Variants in MYO3A observed in about 807,000 individuals in gnomAD.
The protein encoded by MYO3A is myosin IIIA, also known as myosin-IIIa.
A neutral mutation model predicts 192.7 loss-of-function variants in MYO3A; 180 were observed. The ratio of observed to expected loss-of-function variants is 0.93; its 90% CI spans 0.83 to 1.06. The LOEUF is 1.06. Ranked by LOEUF, MYO3A falls within the 50% of genes least tolerant of loss-of-function variation. The pLI is 0.00. For missense variants in MYO3A, 1,896 were observed against 1,905.0 expected (o/e 1.00, Z 0.09); for synonymous variants, 628 against 645.3 (o/e 0.97, Z 0.41).
chr10:26,093,751 A>C (rs994593087), intron 15 of MYO3A, among the ~76,000 whole-genome samples: 1 of 152,184 alleles, frequency 6.6e-6, no homozygotes, highest in Non-Finnish European at 1.5e-5. Context: ...TTGACACCCA[A>C]AGACATACCT....
chr10:26,122,173 A>G (rs999106900), intron 18 of MYO3A, among the ~76,000 whole-genome samples: 3 of 152,224 alleles, frequency 2.0e-5, no homozygotes, highest in Admixed American at 6.5e-5. Flanking sequence ...GTTGCAATAG[A>G]GATAGGTTGT....
chr10:26,085,049 A>T (rs1449271437), intron 14 of MYO3A, among the ~76,000 whole-genome samples: 1 of 152,148 alleles, frequency 6.6e-6, no homozygotes, highest in Non-Finnish European at 1.5e-5. Flanking sequence ...TTGCTTGTAG[A>T]TAATTGTTCA....
At position 26,147,433 on chromosome 10, in the gene MYO3A, C is replaced by T. The variant is rs761168459; in HGVS notation, c.2509C>T (p.Leu837Phe). Residue 837 changes from leucine to phenylalanine, a missense_variant, in exon 23 of 35, where the codon CTC becomes TTC. Transcript: ENST00000642920. ...FGIHHYAGKV[L>F]YNASGFLAKN... ...TTATAGCATACTGTATCAACAGGTCCTCTATAATGCAAGTGGATTCTTAGC... is the reference window on the plus strand; with the variant it reads ...TTATAGCATACTGTATCAACAGGTCTTCTATAATGCAAGTGGATTCTTAGC... The T allele has an allele frequency of 6.2e-7, 1 of 1,612,302 alleles. No individual in the cohort carries two copies. The highest frequency in any genetic ancestry group is 1.3e-5 in the African/African-American group (1 of 74,854).
chr10:26,034,550 A>G (rs928986348), intron 10 of MYO3A, among the ~76,000 whole-genome samples: 1 of 152,248 alleles, frequency 6.6e-6, no homozygotes, highest in East Asian at 1.9e-4. Context: ...AAGATAACCT[A>G]GAGTTTGCTT....
At chr10:26,183,278 A>T (rs1180998092) in intron 31 of MYO3A, among the ~76,000 whole-genome samples, 1 of 152,188 alleles carries the variant, frequency 6.6e-6, no homozygotes, top group Non-Finnish European at 1.5e-5. Context: ...TAATCCCAGC[A>T]CTTTGGGAGG....
chr10:26,080,258 A>G (rs1835835021), intron 14 of MYO3A, among the ~76,000 whole-genome samples: 3 of 152,030 alleles, frequency 2.0e-5, no homozygotes, highest in African/African-American at 7.2e-5. Flanking sequence ...GGATTAGGTT[A>G]ATTTGAAGAC....
intron 10 of MYO3A, among the ~76,000 whole-genome samples, chr10:26,058,574 C>A (rs566825128): frequency 6.6e-6 from 1 of 152,270 alleles, no homozygotes; most frequent in African/African-American, 2.4e-5. Context: ...CTGGCTGTAC[C>A]ATTTTTCATT....
rs143856670 is a variant in MYO3A at position 26,197,379 on chromosome 10, G to A, written c.4546-3886G>A. 8.2e-3 allele frequency among the ~76,000 whole-genome samples: 1,253 copies of A among 152,304 alleles called. 17 individuals are homozygous for A. The highest frequency in any genetic ancestry group is 0.028 in the African/African-American group (1,178 of 41,552). On this transcript the variant is annotated intron_variant, in intron 32 of 34. Coordinates refer to ENST00000642920, the MANE Select transcript of MYO3A (RefSeq NM_017433.5). ...ATAAAACAAAAGTTTCAAACTTTAA[G>A]ACCAGAAGGGTTAGTTTCTATGTTT...
intron 7 of MYO3A, 51 bp downstream of exon 7, chr10:26,016,947 T>C (rs1369283108): frequency 1.3e-6 from 2 of 1,541,032 alleles, no homozygotes; most frequent in Non-Finnish European, 1.8e-6. Flanking sequence ...CCTGTTTGAC[T>C]TTCCTTTTTA....
intron 31 of MYO3A, among the ~76,000 whole-genome samples, chr10:26,178,666 A>G (rs1022100366): frequency 6.6e-6 from 1 of 152,204 alleles, no homozygotes; most frequent in Non-Finnish European, 1.5e-5. Context: ...GAAAATATAC[A>G]TAAAATGATT....
chr10:26,142,504 C>G (rs1840221936), intron 20 of MYO3A, among the ~76,000 whole-genome samples: 1 of 152,194 alleles, frequency 6.6e-6, no homozygotes, highest in Admixed American at 6.5e-5. Context: ...TTCATTGTTT[C>G]TATTTTACAC....
intron 20 of MYO3A, among the ~76,000 whole-genome samples, 177 bp from the exon 21 acceptor site, chr10:26,143,271 C>A (rs1840270569): frequency 6.6e-6 from 1 of 152,080 alleles, no homozygotes. Context: ...GCAGAGGTTG[C>A]AGTGAGCCTA....
At chr10:25,989,490 A>G (rs1318871337) in intron 4 of MYO3A, among the ~76,000 whole-genome samples, 3 of 152,132 alleles carry the variant, frequency 2.0e-5, no homozygotes, top group Non-Finnish European at 4.4e-5. Context: ...ATACTCCTGT[A>G]TAACCTGAAA....
At chr10:25,947,809 G>A (rs1836951802) in intron 2 of MYO3A, among the ~76,000 whole-genome samples, 2 of 152,106 alleles carry the variant, frequency 1.3e-5, no homozygotes, top group South Asian at 4.2e-4. Context: ...AATATTTATG[G>A]ACTATCTACT....
At chr10:25,971,615 A>G (rs189576606) in intron 4 of MYO3A, among the ~76,000 whole-genome samples, 57 of 152,266 alleles carry the variant, frequency 3.7e-4, no homozygotes, top group Middle Eastern at 3.4e-3. Context: ...TTTGCTGAGT[A>G]TGATAGTCTT....
chr10:26,028,204 A>G (rs1325876683), intron 10 of MYO3A, among the ~76,000 whole-genome samples: 4 of 152,218 alleles, frequency 2.6e-5, no homozygotes, highest in South Asian at 2.1e-4. Flanking sequence ...ACCCATTTTC[A>G]TAGCTGAAAA....
chr10:26,191,320 C>T (rs1003186761), intron 31 of MYO3A, among the ~76,000 whole-genome samples: 4 of 152,166 alleles, frequency 2.6e-5, no homozygotes, highest in Non-Finnish European at 5.9e-5. Context: ...ACCATCTTTC[C>T]TCGTGCCTGT....
chr10:26,166,218 T>C, intron 27 of MYO3A, 40 bp downstream of exon 27: 1 of 1,463,336 alleles, frequency 6.8e-7, no homozygotes, highest in Non-Finnish European at 9.6e-7. Flanking sequence ...TAAATAATTA[T>C]GCTGGGTTCA....
Position 25,952,224 on chromosome 10 carries a change from A to G in MYO3A, c.114A>G (p.Val38=). 4 of 1,612,918 alleles carry G rather than the reference A, an allele frequency of 2.5e-6. No homozygotes were observed. The highest frequency in any genetic ancestry group is 2.2e-5 in the South Asian group (2 of 91,054). The change falls in exon 3 of 35, where the codon GTA becomes GTG. Residue 38 remains valine (V), a synonymous_variant. Coordinates refer to ENST00000642920, the MANE Select transcript of MYO3A (RefSeq NM_017433.5). ...GKGTYGKVFK[V]LNKKNGQKAA... ...GAACTTATGGGAAAGTTTTTAAAGT[A>G]TTGAATAAGAAAAATGGCCAAAAAG...
Sources: gnomAD v4.1 joint callset for allele counts (sites outside exome capture counted in the v4.1 genomes callset) on GRCh38, gnomAD v4.1.1 for gene constraint, MANE v1.5 for transcripts, NCBI Gene and HGNC (gene_info 2026-07-23, HGNC 2026-07-21) for gene names.